COL4A5: variants seen among roughly 807,000 people sequenced by gnomAD.
COL4A5 encodes collagen type IV alpha 5 chain.
A neutral mutation model predicts 130.2 loss-of-function variants in COL4A5; 26 were observed. The ratio of observed to expected loss-of-function variants is 0.20; its 90% confidence interval spans 0.15 to 0.28. The LOEUF is 0.28. Among genes scored for constraint, COL4A5 ranks in the 10% least tolerant of loss-of-function variants. The probability of loss-of-function intolerance (pLI) is 1.00; values close to 1 mark genes in which losing one functional copy is unlikely to be tolerated. For missense variants in COL4A5, 1,131 were observed against 1,344.3 expected (o/e 0.84, Z 2.48); for synonymous variants, 496 against 439.6 (o/e 1.13, Z -1.60).
At chrX:108,609,984 C>A (rs1360061850) in intron 29 of COL4A5, among the ~76,000 whole-genome samples, 3 of 105,841 alleles carry the variant, frequency 2.8e-5, no homozygotes, top group Non-Finnish European at 5.9e-5. Context: ...AAAAAAAAAA[C>A]ACATTTCTTT....
At position 108,659,352 on chromosome X, in the gene COL4A5, A is replaced by G. The variant is rs1027054997; in HGVS notation, c.3373+3895A>G. On this transcript the variant is annotated intron_variant, in intron 37 of 52. Transcript: ENST00000328300. ...TGGGTGAATTTTCCTTGTACCCTTGAAAATAATTTGTATTCTGCAATTTGT... is the reference window on the plus strand; with the variant it reads ...TGGGTGAATTTTCCTTGTACCCTTGGAAATAATTTGTATTCTGCAATTTGT... Among the ~76,000 whole-genome samples, 3 of 111,320 alleles carry G rather than the reference A, an allele frequency of 2.7e-5. No homozygotes were observed. The Admixed American group carries it at 2.9e-4, about 11-fold the overall frequency.
intron 37 of COL4A5, among the ~76,000 whole-genome samples, chrX:108,657,568 T>C (rs1290793518): frequency 9.0e-6 from 1 of 111,677 alleles, no homozygotes; most frequent in African/African-American, 3.2e-5. Context: ...CTAGGTAAGG[T>C]AGAGGAGAAT....
At chrX:108,471,303 C>G (rs1408389635) in intron 1 of COL4A5, among the ~76,000 whole-genome samples, 1 of 111,932 alleles carries the variant, frequency 8.9e-6, no homozygotes, top group Non-Finnish European at 1.9e-5. Context: ...CCATTTGTTT[C>G]TATCATCTAT....
At chrX:108,680,991 A>G in intron 46 of COL4A5, 35 bp downstream of exon 46, 1 of 1,105,339 alleles carries the variant, frequency 9.0e-7, no homozygotes. Flanking sequence ...TATACCTGAT[A>G]CTTAGATGCT....
chrX:108,498,835 A>G (rs1603256974), intron 1 of COL4A5, among the ~76,000 whole-genome samples: 1 of 111,179 alleles, frequency 9.0e-6, no homozygotes, highest in Non-Finnish European at 1.9e-5. Context: ...TACTAACTTC[A>G]GTTTTATAAT....
chrX:108,442,911 A>C (rs2064416328), intron 1 of COL4A5: 1 of 112,038 alleles, frequency 8.9e-6, no homozygotes, highest in Non-Finnish European at 1.9e-5. Flanking sequence ...TACAAATTAC[A>C]GACGTTGAAT....
intron 19 of COL4A5, among the ~76,000 whole-genome samples, chrX:108,588,782 G>T (rs781089016): frequency 6.3e-5 from 7 of 111,372 alleles, no homozygotes; most frequent in Non-Finnish European, 1.3e-4. Flanking sequence ...AGAACAAAAG[G>T]CCAATCACCT....
intron 1 of COL4A5, among the ~76,000 whole-genome samples, chrX:108,480,779 C>T (rs1027574796): frequency 1.2e-4 from 14 of 112,787 alleles, no homozygotes; most frequent in Non-Finnish European, 2.4e-4. Context: ...TCTCCAAGAT[C>T]CGTCTGTCTT....
intron 1 of COL4A5, among the ~76,000 whole-genome samples, chrX:108,470,350 T>A (rs1259706380): frequency 8.9e-6 from 1 of 112,473 alleles, no homozygotes; most frequent in Non-Finnish European, 1.9e-5. Context: ...CTGACTGGTC[T>A]AAGATGGTAT....
At chrX:108,461,327 A>G (rs1434742613) in intron 1 of COL4A5, among the ~76,000 whole-genome samples, 1 of 111,390 alleles carries the variant, frequency 9.0e-6, no homozygotes, top group Non-Finnish European at 1.9e-5. Flanking sequence ...TTTTCCCCTC[A>G]GATGGTTAAT....
At position 108,520,359 on chromosome X, in the gene COL4A5, G is replaced by C. The variant is rs748827566; in HGVS notation, c.82-19387G>C. Reference sequence around the variant, plus strand: ...TATCCCGGATGTGCCTGATATAAATGTGTGTCTTTCATTTCATGAGGCATT... The same window carrying C: ...TATCCCGGATGTGCCTGATATAAATCTGTGTCTTTCATTTCATGAGGCATT... On this transcript the variant is annotated intron_variant, in intron 1 of 52. Transcript: ENST00000328300. Among the ~76,000 whole-genome samples the C allele has an allele frequency of 9.9e-5, 11 of 111,532 alleles. No homozygotes were observed. The South Asian group carries it at 1.1e-3, about 11-fold the overall frequency.
intron 1 of COL4A5, among the ~76,000 whole-genome samples, chrX:108,502,140 A>C (rs1440207111): frequency 8.9e-6 from 1 of 112,536 alleles, no homozygotes; most frequent in Non-Finnish European, 1.9e-5. Context: ...GTTGAGTGCA[A>C]GAGCCAGGGT....
intron 1 of COL4A5, among the ~76,000 whole-genome samples, chrX:108,485,926 T>A (rs943727268): frequency 9.0e-6 from 1 of 111,287 alleles, no homozygotes. Context: ...TCAAGTTTAT[T>A]TAATGTCCCA....
In COL4A5 at chrX:108,440,225, C is replaced by A. The variant is rs1223897205; in HGVS notation, c.81+19C>A. On this transcript the variant is annotated intron_variant, in intron 1 of 52. Coordinates refer to ENST00000328300, the MANE Select transcript of COL4A5 (RefSeq NM_033380.3). ...GGCTGCGGTAAGTCCTTCCTCCCCT[C>A]CCCCGCGCCCATCACCGCTCTTTCA... 3 of 1,105,327 alleles carry A rather than the reference C, an allele frequency of 2.7e-6. No individual in the cohort carries two copies. Among genetic ancestry groups the A allele is most frequent in the Non-Finnish European group, 3.7e-6 (3 of 804,075 alleles). The allele number at this position is 1,105,327 out of a possible 1,213,427, so 91.1% of individuals were successfully genotyped here. A position where few individuals can be genotyped will look rare whatever the true frequency, so the allele number is the denominator to read the frequency against.
At position 108,584,476 on chromosome X, in the gene COL4A5, T is replaced by A. The variant is rs2066300848; in HGVS notation, c.991-8T>A. The A allele has an allele frequency of 8.3e-7, 1 of 1,203,229 alleles. No homozygotes were observed. Among genetic ancestry groups the A allele is most frequent in the African/African-American group, 1.8e-5 (1 of 56,821 alleles). On this transcript the variant is annotated splice_region_variant and splice_polypyrimidine_tract_variant and intron_variant, in intron 17 of 52. Transcript: ENST00000328300. ...TTTACTAACCTATTTTACAATTGCA[T>A]TGAACAGGGCCAAAAAGGTGACACT...
chrX:108,440,281 G>A, intron 1 of COL4A5, 75 bp downstream of exon 1: 1 of 700,332 alleles, frequency 1.4e-6, no homozygotes, highest in African/African-American at 2.1e-5. Flanking sequence ...TGGGGGGGGG[G>A]TCCCTTTATC....
At chrX:108,498,468 T>C (rs2065052204) in intron 1 of COL4A5, among the ~76,000 whole-genome samples, 1 of 111,361 alleles carries the variant, frequency 9.0e-6, no homozygotes, top group Admixed American at 9.6e-5. Flanking sequence ...TTATTTTGGA[T>C]AGTTTATGTT....
intron 3 of COL4A5, among the ~76,000 whole-genome samples, chrX:108,562,723 G>A (rs953787263): frequency 3.6e-5 from 4 of 111,836 alleles, no homozygotes; most frequent in African/African-American, 1.3e-4. Context: ...TCTGGTACAT[G>A]TGTATGTTAA....
At chrX:108,643,618 C>T (rs752408782) in intron 36 of COL4A5, among the ~76,000 whole-genome samples, 1 of 111,625 alleles carries the variant, frequency 9.0e-6, no homozygotes, top group African/African-American at 3.3e-5. Flanking sequence ...TGAAACTAAG[C>T]ATCATATATT....
Sources: allele counts gnomAD v4.1 joint callset (sites outside exome capture counted in the v4.1 genomes callset), GRCh38; gene constraint gnomAD v4.1.1; transcripts MANE v1.5; gene names NCBI Gene and HGNC (gene_info 2026-07-23, HGNC 2026-07-21).